NDRG1: variants seen among roughly 807,000 people sequenced by gnomAD.
The protein encoded by NDRG1 is N-myc downstream regulated 1, also known as protein NDRG1.
A neutral mutation model predicts 56.9 loss-of-function variants in NDRG1; 32 were observed. The observed-to-expected ratio is 0.56, with a 90% CI of 0.42 to 0.76. The LOEUF (loss-of-function observed/expected upper bound fraction) is 0.76. Ranked by LOEUF, NDRG1 falls within the 30% of genes least tolerant of loss-of-function variation. The pLI is 0.00. For missense variants in NDRG1, 507 were observed against 545.7 expected (o/e 0.93, Z 0.71); for synonymous variants, 211 against 204.1 (o/e 1.03, Z -0.29).
intron 15 of NDRG1, 122 bp downstream of exon 15, chr8:133,241,901 C>G: frequency 8.5e-7 from 1 of 1,180,690 alleles, no homozygotes; most frequent in Non-Finnish European, 1.3e-6. Context: ...ACTGTTTCCT[C>G]CCAGAAAGCT....
At chr8:133,243,140 C>T (rs1855478390) in intron 14 of NDRG1, among the ~76,000 whole-genome samples, 1 of 152,140 alleles carries the variant, frequency 6.6e-6, no homozygotes, top group Non-Finnish European at 1.5e-5. Context: ...CTGGGCTGAC[C>T]CCCCTCCCTG....
At chr8:133,258,616 G>A (rs150527821) in intron 6 of NDRG1, among the ~76,000 whole-genome samples, 190 bp from the exon 7 acceptor site, 2 of 152,316 alleles carry the variant, frequency 1.3e-5, no homozygotes, top group Non-Finnish European at 2.9e-5. Flanking sequence ...GGAGAGCCGC[G>A]CCCCTTCTCC....
Position 133,286,825 on chromosome 8 carries a change from C to T in NDRG1, c.-18-2496G>A, listed in dbSNP as rs1279791733. ...GAAGTGTCCTAGACTCTGAAGTCTG[C>T]CGGGAGACTGGATAAAGCTTTGCAC... On this transcript the variant is annotated intron_variant, in intron 1 of 15. Transcript: ENST00000323851. Among the ~76,000 whole-genome samples, 2 of 152,146 alleles carry T rather than the reference C, an allele frequency of 1.3e-5. 1 individual carries two copies. Among genetic ancestry groups the T allele is most frequent in the Middle Eastern group, 6.3e-3 (2 of 316 alleles).
chr8:133,272,882 G>C lies in NDRG1; in HGVS notation c.99+7350C>G, dbSNP rs145398091. Among the ~76,000 whole-genome samples the C allele has an allele frequency of 3.3e-3, 507 of 152,318 alleles. 2 individuals are homozygous for C. The highest frequency in any genetic ancestry group is 0.012 in the African/African-American group (483 of 41,576). On this transcript the variant is annotated intron_variant, in intron 3 of 15. Coordinates refer to ENST00000323851, the MANE Select transcript of NDRG1 (RefSeq NM_006096.4). ...CTTCAGTCATGGGGCATGAAAACAA[G>C]AAGCAACTGTGTGGAAAGAGAGAAA...
In NDRG1 at chr8:133,264,089, T is replaced by C. The variant is rs187673330; in HGVS notation, c.205+458A>G. ...AAAGAAGCCAGTTACCAAAAAAAAATCACATATTATTTGATTCAATGTATA... is the reference window on the plus strand; with the variant it reads ...AAAGAAGCCAGTTACCAAAAAAAAACCACATATTATTTGATTCAATGTATA... On this transcript the variant is annotated intron_variant, in intron 4 of 15. Coordinates refer to ENST00000323851, the MANE Select transcript of NDRG1 (RefSeq NM_006096.4). Among the ~76,000 whole-genome samples, 4 of 151,648 alleles carry C rather than the reference T, an allele frequency of 2.6e-5. No individual in the cohort carries two copies. In the East Asian group the frequency reaches 7.7e-4, roughly 29 times the overall value.
At position 133,242,096 on chromosome 8, in the gene NDRG1, A is replaced by T. The variant is rs780670802; in HGVS notation, c.892-22T>A. On this transcript the variant is annotated intron_variant, in intron 14 of 15. Coordinates refer to ENST00000323851, the MANE Select transcript of NDRG1 (RefSeq NM_006096.4). ...CCGGCTGCGAGAGACAAGGAGAGAA[A>T]ATGCAGTCAGTTGCTGGGGAGCCAG... is the stretch of plus-strand genomic sequence containing the variant. 3.1e-6 allele frequency: 5 copies of T among 1,614,150 alleles called. No homozygotes were observed. In the East Asian group the frequency reaches 1.1e-4, roughly 36 times the overall value.
chr8:133,288,760 G>T (rs1465342161), intron 1 of NDRG1, among the ~76,000 whole-genome samples: 1 of 152,222 alleles, frequency 6.6e-6, no homozygotes, highest in Non-Finnish European at 1.5e-5. Flanking sequence ...CTTTGGAGTG[G>T]CTTGGGACTG....
chr8:133,244,766 T>C, intron 13 of NDRG1: 1 of 383,410 alleles, frequency 2.6e-6, no homozygotes, highest in Non-Finnish European at 4.9e-6. Context: ...CCCGAAAGGG[T>C]TTGATAAACA....
At position 133,262,302 on chromosome 8, in the gene NDRG1, T is replaced by A. The variant is rs143602103; in HGVS notation, c.206-135A>T. ...AAGTGAACTTAGAAGAACACAGATG[T>A]TGGCGTTTTTTGTTTTTTGGTTTTG... On this transcript the variant is annotated intron_variant, in intron 4 of 15. Coordinates refer to ENST00000323851, the MANE Select transcript of NDRG1 (RefSeq NM_006096.4). The A allele has an allele frequency of 4.4e-4, 524 of 1,192,288 alleles. 3 individuals are homozygous for A. In the East Asian group the frequency reaches 9.5e-3, roughly 22 times the overall value. The allele number at this position is 1,192,288 out of a possible 1,614,324, so 73.9% of individuals were successfully genotyped here.
chr8:133,246,082 C>T (rs971092628), intron 13 of NDRG1, among the ~76,000 whole-genome samples: 2 of 152,240 alleles, frequency 1.3e-5, no homozygotes, highest in Admixed American at 6.5e-5. Flanking sequence ...GAAAGGTTCC[C>T]ACTCTTGGGC....
At chr8:133,279,452 G>A (rs1378855347) in intron 3 of NDRG1, among the ~76,000 whole-genome samples, 1 of 152,226 alleles carries the variant, frequency 6.6e-6, no homozygotes, top group Non-Finnish European at 1.5e-5. Flanking sequence ...TAGAATAGAG[G>A]AGTGAGATGC....
chr8:133,281,818 C>T (rs953266091), intron 2 of NDRG1, among the ~76,000 whole-genome samples: 5 of 152,154 alleles, frequency 3.3e-5, no homozygotes, highest in Admixed American at 2.0e-4. Context: ...TGGAAACAAA[C>T]GTGGCTGGCA....
At chr8:133,277,788 C>T (rs1477486547) in intron 3 of NDRG1, among the ~76,000 whole-genome samples, 3 of 152,068 alleles carry the variant, frequency 2.0e-5, no homozygotes, top group Non-Finnish European at 2.9e-5. Flanking sequence ...GGCACTGATG[C>T]GGGAAGCACC....
At chr8:133,266,212 A>G (rs1357358826) in intron 3 of NDRG1, among the ~76,000 whole-genome samples, 1 of 152,266 alleles carries the variant, frequency 6.6e-6, no homozygotes, top group Admixed American at 6.5e-5. Context: ...CAGGCTTCTC[A>G]GCACTTGACC....
intron 3 of NDRG1, among the ~76,000 whole-genome samples, chr8:133,276,900 G>A (rs1857484180): frequency 6.6e-6 from 1 of 152,208 alleles, no homozygotes; most frequent in South Asian, 2.1e-4. Flanking sequence ...GTTCACAGCA[G>A]CAGTATTCAC....
chr8:133,241,937 T>A, intron 15 of NDRG1, 86 bp downstream of exon 15: 1 of 1,493,508 alleles, frequency 6.7e-7, no homozygotes, highest in South Asian at 1.1e-5. Flanking sequence ...GACACAGAAT[T>A]GCTCATCCAA....
chr8:133,291,062 G>A (rs932590904), intron 1 of NDRG1, among the ~76,000 whole-genome samples: 3 of 152,100 alleles, frequency 2.0e-5, no homozygotes, highest in African/African-American at 4.8e-5. Flanking sequence ...TCATTCCCTC[G>A]GGGGAGGGCG....
intron 3 of NDRG1, among the ~76,000 whole-genome samples, chr8:133,268,520 CA>C (rs1563631171): frequency 1.3e-5 from 2 of 152,194 alleles, no homozygotes; most frequent in African/African-American, 4.8e-5. Flanking sequence ...GAAGGTCACA[CA>C]GGGGCAGGGC....
intron 13 of NDRG1, among the ~76,000 whole-genome samples, chr8:133,244,851 C>T (rs1041081236): frequency 3.9e-5 from 6 of 152,250 alleles, no homozygotes; most frequent in Admixed American, 3.3e-4. Context: ...AGGCCGGATT[C>T]AGCTGACCAG....
Sources: gnomAD v4.1 joint callset for allele counts (sites outside exome capture counted in the v4.1 genomes callset) on GRCh38, gnomAD v4.1.1 for gene constraint, MANE v1.5 for transcripts, NCBI Gene and HGNC (gene_info 2026-07-23, HGNC 2026-07-21) for gene names.